DNAJC5G: variants seen among roughly 807,000 people sequenced by gnomAD.
DNAJC5G encodes dnaJ homolog subfamily C member 5G.
Under a neutral mutation model 19.1 loss-of-function variants are expected in DNAJC5G, and 13 were observed. That is an observed-to-expected ratio of 0.68 (90% confidence interval 0.44 to 1.08). The LOEUF is 1.08. Among genes scored for constraint, DNAJC5G ranks in the 50% least tolerant of loss-of-function variants. The pLI is 0.00. For synonymous variants in DNAJC5G, 81 were observed against 84.4 expected, an observed-to-expected ratio of 0.96 and a Z score of 0.22; for missense variants, 245 against 230.4, an observed-to-expected ratio of 1.06 and a Z score of -0.41.
rs1256564224 is a variant in DNAJC5G, at chr2:27,276,771, G to T, written c.43G>T (p.Glu15Ter). ...AGCAGCACACCGGCTGTCCAAAAGT[G>T]AGATGAGCCTCTATGCAGTGCTGGA... ...KEAAHRLSKS[E>*]MSLYAVLDLK... The change falls in exon 3 of 7, where the codon GAG becomes TAG. Residue 15 changes from glutamate (E) to a stop codon, truncating the protein, a stop_gained. Coordinates refer to ENST00000296097, the MANE Select transcript of DNAJC5G (RefSeq NM_173650.3). LOFTEE classifies it high-confidence loss of function. 1 of 1,613,930 alleles carries T rather than the reference G, an allele frequency of 6.2e-7. No homozygotes were observed. The highest frequency in any genetic ancestry group is 8.5e-7 in the Non-Finnish European group (1 of 1,180,026).
In DNAJC5G at chr2:27,280,113, C is replaced by T. The variant is rs192013160; in HGVS notation, c.521-53C>T. 60 of 1,570,282 alleles carry T rather than the reference C, an allele frequency of 3.8e-5. No homozygotes were observed. The African/African-American group carries it at 6.8e-4, about 18-fold the overall frequency. ...TAACGGTTTTCTCATCAGTACACTA[C>T]GAAAAGTTACTAAACGTTTGTATAT... On this transcript the variant is annotated intron_variant, in intron 5 of 6. Coordinates refer to ENST00000296097, the MANE Select transcript of DNAJC5G (RefSeq NM_173650.3).
chr2:27,280,409 C>T lies in DNAJC5G; in HGVS notation c.*19-20C>T, dbSNP rs1156874887. ...ATTATTCCTTCTGATTAATAAAGCGCCACCTTCTTCCGCCACTAGGTGCTG... is the reference window on the plus strand; with the variant it reads ...ATTATTCCTTCTGATTAATAAAGCGTCACCTTCTTCCGCCACTAGGTGCTG... On this transcript the variant is annotated intron_variant, in intron 6 of 6. Transcript: ENST00000296097. 1.7e-6 allele frequency: 1 copy of T among 579,016 alleles called. No homozygotes were observed. The highest frequency in any genetic ancestry group is 3.0e-5 in the East Asian group (1 of 33,160). 35.9% of individuals were successfully genotyped at this position (579,016 alleles called of 1,614,324 possible). A position where few individuals can be genotyped will look rare whatever the true frequency, so the allele number is the denominator to read the frequency against.
intron 5 of DNAJC5G, among the ~76,000 whole-genome samples, chr2:27,279,315 T>A (rs1396589456): frequency 8.4e-6 from 1 of 119,716 alleles, no homozygotes; most frequent in Non-Finnish European, 1.7e-5. Context: ...GTGGTGGTGG[T>A]GTTGAGATGT....
intron 3 of DNAJC5G, 97 bp downstream of exon 3, chr2:27,276,938 T>C: frequency 9.2e-7 from 1 of 1,090,508 alleles, no homozygotes; most frequent in Non-Finnish European, 1.3e-6. Flanking sequence ...TTTTTTTTTT[T>C]TTTTTTGAGA....
At chr2:27,276,434 C>G in intron 2 of DNAJC5G, 47 bp downstream of exon 2, 1 of 272,490 alleles carries the variant, frequency 3.7e-6, no homozygotes, top group Non-Finnish European at 7.0e-6. Flanking sequence ...TGGCTTAGAC[C>G]TCTCCCTGCT....
chr2:27,278,163 G>A (rs758485307), intron 4 of DNAJC5G, 25 bp from the exon 5 acceptor site: 1 of 1,614,136 alleles, frequency 6.2e-7, no homozygotes, highest in Non-Finnish European at 8.5e-7. Flanking sequence ...CTGCTGGACT[G>A]AGGCCATTCT....
chr2:27,280,163 T>C lies in DNAJC5G; in HGVS notation c.521-3T>C, dbSNP rs1278453768. The C allele has an allele frequency of 1.2e-6, 2 of 1,613,610 alleles. No individual in the cohort carries two copies. The highest frequency in any genetic ancestry group is 1.7e-6 in the Non-Finnish European group (2 of 1,179,678). The stretch of plus-strand genomic sequence containing the variant: ...TGTAAACATATATATAATTCCATCA[T>C]AGGAGCCAAATGTGATTTTAGAAGC... On this transcript the variant is annotated splice_region_variant and splice_polypyrimidine_tract_variant and intron_variant, in intron 5 of 6. Transcript: ENST00000296097.
chr2:27,276,995 G>T (rs1050694806), intron 3 of DNAJC5G, among the ~76,000 whole-genome samples, 154 bp downstream of exon 3: 1 of 148,548 alleles, frequency 6.7e-6, no homozygotes, highest in Admixed American at 6.7e-5. Flanking sequence ...TATTGAGAGT[G>T]CAGTGGCACG....
intron 1 of DNAJC5G, 88 bp from the exon 2 acceptor site, chr2:27,276,018 G>A (rs1016109188): frequency 1.3e-5 from 2 of 152,344 alleles, no homozygotes; most frequent in South Asian, 4.1e-4. Flanking sequence ...AGGACTTTGG[G>A]AGGCCGAGGT....
rs1161415195 is a variant in DNAJC5G, at chr2:27,281,052, G to A, written c.*642G>A. 1.3e-5 allele frequency: 2 copies of A among 152,306 alleles called. No individual in the cohort carries two copies. The highest frequency in any genetic ancestry group is 2.9e-5 in the Non-Finnish European group (2 of 68,032). The allele number at this position is 152,306 out of a possible 1,614,324, so 9.4% of individuals were successfully genotyped here. ...TCAGGAAAACTGCGAGTGCATTTGA[G>A]GCTTAGGGGTAGTCATTCCATCTTT... On this transcript the variant is annotated 3_prime_UTR_variant, in exon 7 of 7. Transcript: ENST00000296097.
In DNAJC5G at chr2:27,280,818, C is replaced by T. The variant is rs1370375084; in HGVS notation, c.*408C>T. The T allele has an allele frequency of 2.0e-5, 3 of 153,036 alleles. No individual in the cohort carries two copies. The highest frequency in any genetic ancestry group is 6.5e-5 in the Admixed American group (1 of 15,400). The allele number at this position is 153,036 out of a possible 1,614,324, so 9.5% of individuals were successfully genotyped here. A position where few individuals can be genotyped will look rare whatever the true frequency, so the allele number is the denominator to read the frequency against. ...GATCCCTGAGCCCCTTGCGATATCA[C>T]CACCAAGAGCCTGATAACTGAGCAG... On this transcript the variant is annotated 3_prime_UTR_variant, in exon 7 of 7. Coordinates refer to ENST00000296097, the MANE Select transcript of DNAJC5G (RefSeq NM_173650.3).
intron 2 of DNAJC5G, 157 bp downstream of exon 2, chr2:27,276,544 T>G (rs970616572): frequency 3.6e-6 from 2 of 550,986 alleles, no homozygotes; most frequent in African/African-American, 3.9e-5. Context: ...TTGGAATCTT[T>G]CTGATCACCT....
Position 27,277,940 on chromosome 2 carries a change from G to T in DNAJC5G, c.300G>T (p.Leu100Phe), listed in dbSNP as rs1678186444. Residue 100 changes from leucine (L) to phenylalanine (F), a missense_variant, in exon 4 of 7, where the codon TTG becomes TTT. Coordinates refer to ENST00000296097, the MANE Select transcript of DNAJC5G (RefSeq NM_173650.3). ...AAATTTACGACCAGCATGGCTCATTGGGAATATATCTGTATGATCACTTTG... is the reference window on the plus strand; with the variant it reads ...AAATTTACGACCAGCATGGCTCATTTGGAATATATCTGTATGATCACTTTG... ...KRKIYDQHGSLGIYLYDHFGE... is the reference protein window; with the variant it reads ...KRKIYDQHGSFGIYLYDHFGE... 1.2e-6 allele frequency: 2 copies of T among 1,614,042 alleles called. No homozygotes were observed. The highest frequency in any genetic ancestry group is 1.7e-6 in the Non-Finnish European group (2 of 1,180,046).
chr2:27,280,480 A>T lies in DNAJC5G; in HGVS notation c.*70A>T. 2.4e-6 allele frequency: 1 copy of T among 408,574 alleles called. No homozygotes were observed. The highest frequency in any genetic ancestry group is 4.6e-6 in the Non-Finnish European group (1 of 219,648). The allele number at this position is 408,574 out of a possible 1,614,324, so 25.3% of individuals were successfully genotyped here. ...GCTGCCCAGTCCCCTGGACACATTG[A>T]AGAGAGGAGCAAGTAGCCCTGTCCT... On this transcript the variant is annotated 3_prime_UTR_variant, in exon 7 of 7. Transcript: ENST00000296097.
At chr2:27,276,519 G>T in intron 2 of DNAJC5G, 132 bp downstream of exon 2, 1 of 525,386 alleles carries the variant, frequency 1.9e-6, no homozygotes, top group Non-Finnish European at 3.4e-6. Flanking sequence ...AGGAGAAGAT[G>T]TTTCCTCCTT....
chr2:27,275,836 C>G (rs1302086589), intron 1 of DNAJC5G: 1 of 154,124 alleles, frequency 6.5e-6, no homozygotes, highest in Admixed American at 6.4e-5. Flanking sequence ...AGGGAAGAAG[C>G]AAGTCCAGGC....
At chr2:27,278,683 CAAAAAAAAAAAAAAAAAA>C (rs1180058010) in intron 5 of DNAJC5G, among the ~76,000 whole-genome samples, 1 of 26,738 alleles carries the variant, frequency 3.7e-5, no homozygotes, top group South Asian at 1.7e-3. Flanking sequence ...GACTCCATCT[CAAAAAAAAAAAAAAAAAA>C]AAAAAAAGAA....
Position 27,280,478 on chromosome 2 carries a change from T to G in DNAJC5G, c.*68T>G, listed in dbSNP as rs757953257. On this transcript the variant is annotated 3_prime_UTR_variant, in exon 7 of 7. Coordinates refer to ENST00000296097, the MANE Select transcript of DNAJC5G (RefSeq NM_173650.3). ...CTGCTGCCCAGTCCCCTGGACACAT[T>G]GAAGAGAGGAGCAAGTAGCCCTGTC... 1 of 413,080 alleles carries G rather than the reference T, an allele frequency of 2.4e-6. No individual in the cohort carries two copies. The highest frequency in any genetic ancestry group is 4.5e-6 in the Non-Finnish European group (1 of 222,538). 25.6% of individuals were successfully genotyped at this position (413,080 alleles called of 1,614,324 possible).
chr2:27,278,988 GA>G (rs1352139886), intron 5 of DNAJC5G, among the ~76,000 whole-genome samples: 1 of 140,580 alleles, frequency 7.1e-6, no homozygotes, highest in East Asian at 2.1e-4. Context: ...TTGGGCAACA[GA>G]GTGAGACTCC....
Sources: gnomAD v4.1 joint callset for allele counts (sites outside exome capture counted in the v4.1 genomes callset) on GRCh38, gnomAD v4.1.1 for gene constraint, MANE v1.5 for transcripts, NCBI Gene and HGNC (gene_info 2026-07-23, HGNC 2026-07-21) for gene names.